QKI: variants seen among roughly 807,000 people sequenced by gnomAD.
QKI encodes KH domain-containing RNA-binding protein QKI.
A neutral mutation model predicts 39.0 loss-of-function variants in QKI; 10 were observed. That is an observed-to-expected ratio of 0.26 (90% CI 0.16 to 0.43). The LOEUF is 0.43. Among genes scored for constraint, QKI ranks in the 20% least tolerant of loss-of-function variants. The pLI, the probability that QKI is intolerant of heterozygous loss-of-function variation, is 1.00. For synonymous variants in QKI, 204 were observed against 155.4 expected (o/e 1.31, Z -2.33); for missense variants, 218 against 428.0 (o/e 0.51, Z 4.33).
intron 2 of QKI, among the ~76,000 whole-genome samples, chr6:163,471,275 A>G (rs369550124): frequency 1.3e-5 from 2 of 152,138 alleles, no homozygotes; most frequent in East Asian, 1.9e-4. Context: ...ACATTTTCAG[A>G]TAAGGAAAAA....
At chr6:163,521,339 A>C (rs1388035661) in intron 3 of QKI, among the ~76,000 whole-genome samples, 2 of 152,162 alleles carry the variant, frequency 1.3e-5, no homozygotes, top group African/African-American at 4.8e-5. Flanking sequence ...TAGAAGGATA[A>C]TCTTACAGAT....
At chr6:163,557,963 A>G (rs1032325089) in intron 4 of QKI, among the ~76,000 whole-genome samples, 5 of 152,218 alleles carry the variant, frequency 3.3e-5, no homozygotes, top group African/African-American at 1.2e-4. Flanking sequence ...GATTGCGGAT[A>G]ATCACTTGAG....
chr6:163,426,095 C>A (rs369173904), intron 1 of QKI, among the ~76,000 whole-genome samples: 2 of 152,126 alleles, frequency 1.3e-5, no homozygotes, highest in Non-Finnish European at 2.9e-5. Flanking sequence ...ATGGATTAAT[C>A]CTACAGATAA....
intron 1 of QKI, chr6:163,416,422 T>C (rs1164321096): frequency 6.3e-6 from 1 of 159,726 alleles, no homozygotes; most frequent in African/African-American, 2.4e-5. Context: ...CAGGAGTTTG[T>C]TTGTTTTTTT....
intron 3 of QKI, among the ~76,000 whole-genome samples, chr6:163,509,094 T>C (rs1245217327): frequency 6.6e-6 from 1 of 152,034 alleles, no homozygotes; most frequent in Non-Finnish European, 1.5e-5. Context: ...GCCAAGATTG[T>C]GCCACTGCAC....
intron 1 of QKI, among the ~76,000 whole-genome samples, chr6:163,438,118 T>C (rs372497319): frequency 6.6e-6 from 1 of 152,194 alleles, no homozygotes; most frequent in Admixed American, 6.5e-5. Context: ...GATCTACATG[T>C]GAGAAGTCAT....
intron 1 of QKI, among the ~76,000 whole-genome samples, chr6:163,451,215 CTG>C (rs1790537918): frequency 6.6e-6 from 1 of 152,174 alleles, no homozygotes; most frequent in Admixed American, 6.5e-5. Context: ...CAGCAGTGTG[CTG>C]TGTTTGCCAA....
chr6:163,515,707 G>GTCAT (rs547196757), intron 3 of QKI, among the ~76,000 whole-genome samples: 171 of 152,218 alleles, frequency 1.1e-3, no homozygotes, highest in African/African-American at 4.0e-3. Context: ...ATGGCGATAG[G>GTCAT]TCATTCTATA....
chr6:163,510,324 C>T lies in QKI; in HGVS notation c.403-24658C>T, dbSNP rs536185362. Among the ~76,000 whole-genome samples, 6 of 151,734 alleles carry T rather than the reference C, an allele frequency of 4.0e-5. No individual in the cohort carries two copies. The South Asian group carries it at 6.3e-4, about 16-fold the overall frequency. ...CCATAATCCCAACACTTTGGGAGGC[C>T]GAGGCAGGTGGATCACTTGAGGTCA... On this transcript the variant is annotated intron_variant, in intron 3 of 7. Transcript: ENST00000361752.
At chr6:163,443,351 A>G (rs936744367) in intron 1 of QKI, among the ~76,000 whole-genome samples, 1 of 152,220 alleles carries the variant, frequency 6.6e-6, no homozygotes, top group African/African-American at 2.4e-5. Flanking sequence ...CGGGTGGATT[A>G]CGAGGTCAGG....
chr6:163,463,706 G>A (rs1583032798), intron 2 of QKI, among the ~76,000 whole-genome samples: 1 of 152,230 alleles, frequency 6.6e-6, no homozygotes, highest in South Asian at 2.1e-4. Flanking sequence ...TTAGAAAAAA[G>A]ATTATTTAAC....
intron 7 of QKI, chr6:163,568,073 C>CTT (rs1400462365): frequency 1.0e-6 from 1 of 985,254 alleles, no homozygotes; most frequent in African/African-American, 1.7e-5. Context: ...CCGTGGTCGT[C>CTT]TATGAGGATG....
At chr6:163,490,648 G>A (rs1347055402) in intron 3 of QKI, among the ~76,000 whole-genome samples, 1 of 152,102 alleles carries the variant, frequency 6.6e-6, no homozygotes, top group African/African-American at 2.4e-5. Flanking sequence ...GAGGTCTGAG[G>A]ATAAAGGACC....
At chr6:163,493,839 A>G (rs1778221489) in intron 3 of QKI, among the ~76,000 whole-genome samples, 1 of 151,830 alleles carries the variant, frequency 6.6e-6, no homozygotes, top group Non-Finnish European at 1.5e-5. Flanking sequence ...TCACTTTTTT[A>G]AAGGGACAAA....
intron 3 of QKI, among the ~76,000 whole-genome samples, chr6:163,522,342 A>G (rs1780213793): frequency 1.3e-5 from 2 of 152,062 alleles, no homozygotes; most frequent in African/African-American, 4.8e-5. Flanking sequence ...TAGAAACTCA[A>G]TTATTATTTA....
intron 2 of QKI, among the ~76,000 whole-genome samples, chr6:163,474,412 C>G (rs941581929): frequency 5.3e-5 from 8 of 151,748 alleles, no homozygotes; most frequent in Non-Finnish European, 8.8e-5. Flanking sequence ...TGTTTAGCAT[C>G]CAAAAGAATC....
chr6:163,430,558 G>A (rs1788743159), intron 1 of QKI, among the ~76,000 whole-genome samples: 1 of 152,142 alleles, frequency 6.6e-6, no homozygotes, highest in Non-Finnish European at 1.5e-5. Context: ...TCAGGAGCAT[G>A]GAGGAATAGG....
chr6:163,425,269 A>G (rs1009031992), intron 1 of QKI, among the ~76,000 whole-genome samples: 1 of 152,230 alleles, frequency 6.6e-6, no homozygotes, highest in Admixed American at 6.5e-5. Context: ...GGCAAGGCTT[A>G]GGAAATAGGT....
At chr6:163,521,174 G>A (rs960535369) in intron 3 of QKI, among the ~76,000 whole-genome samples, 2 of 152,006 alleles carry the variant, frequency 1.3e-5, no homozygotes, top group African/African-American at 4.8e-5. Context: ...TATGTCATCC[G>A]AATATCAGCC....
Sources: allele counts gnomAD v4.1 joint callset (sites outside exome capture counted in the v4.1 genomes callset), GRCh38; gene constraint gnomAD v4.1.1; transcripts MANE v1.5; gene names NCBI Gene and HGNC (gene_info 2026-07-23, HGNC 2026-07-21).